Variants in SPG7 observed in about 807,000 individuals in gnomAD.
The protein encoded by SPG7 is SPG7 matrix AAA peptidase subunit, paraplegin.
In SPG7, 103 loss-of-function variants were observed where a neutral mutation model predicts 81.9. The ratio of observed to expected loss-of-function variants is 1.26; its 90% confidence interval spans 1.07 to 1.48. The LOEUF (loss-of-function observed/expected upper bound fraction) is 1.48, where lower values mean the gene tolerates loss of function less well. Ranked by LOEUF, SPG7 falls within the 40% of genes most tolerant of loss-of-function variation. The pLI, the probability that SPG7 is intolerant of heterozygous loss-of-function variation, is 0.00. For missense variants in SPG7, 1,241 were observed against 1,087.3 expected, an observed-to-expected ratio of 1.14 and a Z score of -1.99; for synonymous variants, 534 against 444.2, an observed-to-expected ratio of 1.20 and a Z score of -2.54.
chr16:89,535,581 C>T (rs1007236476), intron 9 of SPG7, among the ~76,000 whole-genome samples: 4 of 152,088 alleles, frequency 2.6e-5, no homozygotes, highest in Non-Finnish European at 5.9e-5. Context: ...TCATGGGAGT[C>T]GAGTTTTCAG....
intron 13 of SPG7, chr16:89,551,931 A>G (rs1319931745): frequency 2.6e-5 from 4 of 152,200 alleles, no homozygotes; most frequent in African/African-American, 9.6e-5. Flanking sequence ...TTGATGGGCA[A>G]AAGTCAGATA....
At chr16:89,546,810 G>T in intron 11 of SPG7, 50 bp downstream of exon 11, 1 of 1,259,014 alleles carries the variant, frequency 7.9e-7, no homozygotes. Context: ...GAGGGCAGGT[G>T]GTGTCACCTG....
At chr16:89,537,403 G>C in intron 9 of SPG7, 3 of 1,062,852 alleles carry the variant, frequency 2.8e-6, no homozygotes, top group South Asian at 3.4e-5. Context: ...CCACACGCGG[G>C]AGCTGCGGAA....
chr16:89,550,465 G>C, intron 12 of SPG7, 29 bp from the exon 13 acceptor site: 1 of 1,534,846 alleles, frequency 6.5e-7, no homozygotes, highest in Non-Finnish European at 9.0e-7. Context: ...GAGCCACCGC[G>C]CCCAACTCAT....
chr16:89,545,714 CTG>C (rs1355031323), intron 10 of SPG7: 4 of 268,944 alleles, frequency 1.5e-5, no homozygotes, highest in African/African-American at 2.3e-5. Context: ...GGCTTTTTGA[CTG>C]TGTAAGAAAC....
At chr16:89,539,255 G>C (rs1000370218) in intron 9 of SPG7, 2 of 152,182 alleles carry the variant, frequency 1.3e-5, no homozygotes, top group African/African-American at 2.4e-5. Flanking sequence ...TCTAAGAACT[G>C]TTTGCCCGCC....
intron 7 of SPG7, 45 bp from the exon 8 acceptor site, chr16:89,531,859 C>G (rs762053853): frequency 1.9e-6 from 3 of 1,609,354 alleles, no homozygotes; most frequent in Admixed American, 1.7e-5. Context: ...AACAAAAAAA[C>G]GGAATCCCCA....
At position 89,532,563 on chromosome 16, in the gene SPG7, C is replaced by T; in HGVS notation, c.1251C>T (p.Arg417=). The change falls in exon 9 of 17, where the codon CGC becomes CGT. Residue 417 remains arginine, a synonymous_variant. Transcript: ENST00000645818. Reference sequence around the variant, plus strand: ...AGATCGACGCGGTGGGCAAGAAGCGCTCCACCACCATGTCCGGCTTCTCCA... The same window carrying T: ...AGATCGACGCGGTGGGCAAGAAGCGTTCCACCACCATGTCCGGCTTCTCCA... ...IDEIDAVGKK[R]STTMSGFSNT... 2 of 1,613,804 alleles carry T rather than the reference C, an allele frequency of 1.2e-6. No individual in the cohort carries two copies. The highest frequency in any genetic ancestry group is 1.7e-6 in the Non-Finnish European group (2 of 1,180,034).
Position 89,550,535 on chromosome 16 carries a change from A to C in SPG7, c.1705A>C (p.Lys569Gln), listed in dbSNP as rs376125034. The change falls in exon 13 of 17, where the codon AAA becomes CAA. Residue 569 changes from lysine (K) to glutamine (Q), a missense_variant. Coordinates refer to ENST00000645818, the MANE Select transcript of SPG7 (RefSeq NM_003119.4). ...KSKILSKEEQKVVAFHESGHA... is the reference protein window; with the variant it reads ...KSKILSKEEQQVVAFHESGHA... ...CAAGATCCTGTCCAAGGAAGAACAG[A>C]AAGTGGTTGCGTTTCATGAGTCGGG... The C allele has an allele frequency of 1.4e-5, 22 of 1,613,930 alleles. No individual in the cohort carries two copies. The African/African-American group carries it at 2.7e-4, about 20-fold the overall frequency.
chr16:89,549,279 A>G, intron 12 of SPG7: 1 of 455,654 alleles, frequency 2.2e-6, no homozygotes, highest in South Asian at 1.6e-5. Context: ...TTCAAGTTGT[A>G]CAGAATGGAC....
At chr16:89,526,639 G>T in intron 5 of SPG7, 171 bp downstream of exon 5, 1 of 713,124 alleles carries the variant, frequency 1.4e-6, no homozygotes, top group Non-Finnish European at 2.4e-6. Flanking sequence ...AGGAGATTTG[G>T]AAATATAGTT....
rs573458956 is a variant in SPG7 at position 89,531,794 on chromosome 16, C to T, written c.988-110C>T. 9.8e-4 allele frequency: 1,053 copies of T among 1,079,044 alleles called. 3 individuals are homozygous for T. The African/African-American group carries it at 0.015, about 15-fold the overall frequency. 66.8% of individuals were successfully genotyped at this position (1,079,044 alleles called of 1,614,324 possible). A position where few individuals can be genotyped will look rare whatever the true frequency, so the allele number is the denominator to read the frequency against. On this transcript the variant is annotated intron_variant, in intron 7 of 16. Coordinates refer to ENST00000645818, the MANE Select transcript of SPG7 (RefSeq NM_003119.4). ...GGAGTTTGAGGCTGCAGTGAGCTAT[C>T]ATGGCACCCACTGCACTCCAGCCTG...
intron 6 of SPG7, chr16:89,529,797 T>C: frequency 1.6e-6 from 1 of 607,288 alleles, no homozygotes; most frequent in Non-Finnish European, 3.0e-6. Flanking sequence ...AACTCTGGGG[T>C]GCCTGAGCCT....
At chr16:89,539,965 A>C (rs987888222) in intron 9 of SPG7, 2 of 152,166 alleles carry the variant, frequency 1.3e-5, no homozygotes, top group African/African-American at 4.8e-5. Context: ...GGTCAGGTTC[A>C]TTTTCTGCCT....
intron 3 of SPG7, among the ~76,000 whole-genome samples, chr16:89,516,254 C>G (rs2058094843): frequency 6.6e-6 from 1 of 151,858 alleles, no homozygotes; most frequent in South Asian, 2.1e-4. Context: ...TCCGAAAGTG[C>G]TGGGATTACA....
intron 9 of SPG7, chr16:89,540,428 A>G (rs1330509349): frequency 6.6e-6 from 1 of 152,210 alleles, no homozygotes; most frequent in African/African-American, 2.4e-5. Flanking sequence ...CTCTAAAAAA[A>G]TACAAAAATT....
At position 89,555,973 on chromosome 16, in the gene SPG7, G is replaced by A. The variant is rs1164589249; in HGVS notation, c.2182-914G>A. 8 of 398,684 alleles carry A rather than the reference G, an allele frequency of 2.0e-5. No homozygotes were observed. Among genetic ancestry groups the A allele is most frequent in the African/African-American group, 6.2e-5 (3 of 48,646 alleles). The allele number at this position is 398,684 out of a possible 1,614,324, so 24.7% of individuals were successfully genotyped here. A position where few individuals can be genotyped will look rare whatever the true frequency, so the allele number is the denominator to read the frequency against. ...CCTCTGGGCAGGTGTGGGCGGTGCC[G>A]TCCCCGGCTGAAGCAGGCCTGCCTG... On this transcript the variant is annotated intron_variant, in intron 16 of 16. Transcript: ENST00000645818.
Position 89,548,100 on chromosome 16 carries a change from G to T in SPG7, c.1650G>T (p.Glu550Asp). 6.2e-7 allele frequency: 1 copy of T among 1,605,132 alleles called. No individual in the cohort carries two copies. ...VHTLNFEYAV[E>D]RVLAGTAKKS... ...CTCTCAACTTCGAGTACGCCGTGGA[G>T]CGCGTCCTCGCAGGTACAGGGGGCG... The change falls in exon 12 of 17, where the codon GAG (glutamate) becomes GAT (aspartate). Residue 550 changes from glutamate to aspartate, a missense_variant. Physicochemically the swap from Glu to Asp is conservative, Grantham distance 45. Coordinates refer to ENST00000645818, the MANE Select transcript of SPG7 (RefSeq NM_003119.4).
intron 5 of SPG7, among the ~76,000 whole-genome samples, chr16:89,528,395 CAAAAA>C (rs1184740621): frequency 2.1e-5 from 2 of 93,508 alleles, no homozygotes; most frequent in Admixed American, 1.2e-4. Context: ...CCATCTCAAA[CAAAAA>C]AAAAAAAAAA....
Sources: allele counts gnomAD v4.1 joint callset (sites outside exome capture counted in the v4.1 genomes callset), GRCh38; gene constraint gnomAD v4.1.1; transcripts MANE v1.5; gene names NCBI Gene and HGNC (gene_info 2026-07-23, HGNC 2026-07-21).